Variants in SPEG observed in about 807,000 individuals in gnomAD.
The protein encoded by SPEG is striated muscle enriched protein kinase.
A neutral mutation model predicts 300.4 loss-of-function variants in SPEG; 114 were observed. The ratio of observed to expected loss-of-function variants is 0.38; its 90% confidence interval spans 0.33 to 0.44. The LOEUF (loss-of-function observed/expected upper bound fraction) is 0.44. SPEG is among the 20% of genes least tolerant of loss of function. The pLI is 1.00. For synonymous variants in SPEG, 1,964 were observed against 2,018.9 expected (o/e 0.97, Z 0.73); for missense variants, 4,201 against 4,586.2 (o/e 0.92, Z 2.43).
intron 13 of SPEG, 53 bp downstream of exon 13, chr2:219,469,432 T>C: frequency 4.4e-6 from 6 of 1,373,476 alleles, no homozygotes; most frequent in Non-Finnish European, 6.1e-6. Context: ...CCACTTGGCT[T>C]GCAATGCCCT....
At chr2:219,487,444 T>C (rs552342551) in intron 31 of SPEG, among the ~76,000 whole-genome samples, 7 of 152,350 alleles carry the variant, frequency 4.6e-5, no homozygotes, top group African/African-American at 1.7e-4. Flanking sequence ...CTCGTAATTG[T>C]CACAGCAAGC....
At chr2:219,457,567 G>T (rs1690289028) in intron 6 of SPEG, among the ~76,000 whole-genome samples, 1 of 152,236 alleles carries the variant, frequency 6.6e-6, no homozygotes, top group African/African-American at 2.4e-5. Flanking sequence ...CTGGATGACA[G>T]ACTGAGACTG....
At position 219,477,708 on chromosome 2, in the gene SPEG, C is replaced by T. The variant is rs747974469; in HGVS notation, c.4749C>T (p.Val1583=). The change falls in exon 21 of 41, where the codon GTC becomes GTT. Residue 1583 remains valine, a synonymous_variant. Coordinates refer to ENST00000312358, the MANE Select transcript of SPEG (RefSeq NM_005876.5). The surrounding 1 kb of genome is among the most constrained non-coding windows in gnomAD (Gnocchi z 6.4). The stretch of plus-strand genomic sequence containing the variant: ...CCCCAGCTCAGACAGCTATGGAGGT[C>T]GAGGGGGTCGGGGAGGATGAGGACC... ...AVHSAQTAME[V]EGVGEDEDHR... is the part of the protein sequence containing the mutation. 1.3e-5 allele frequency: 21 copies of T among 1,596,900 alleles called. No individual in the cohort carries two copies. The highest frequency in any genetic ancestry group is 1.7e-4 in the Middle Eastern group (1 of 5,974).
Position 219,465,876 on chromosome 2 carries a change from C to T in SPEG, c.2881+1268C>T, listed in dbSNP as rs545172498. On this transcript the variant is annotated intron_variant, in intron 9 of 40. Transcript: ENST00000312358. The stretch of plus-strand genomic sequence containing the variant: ...GTGTGTGCATGTGTGTGCGTGTGTG[C>T]GTGCGTGTGCATGTGTGCGTATGGG... The T allele has an allele frequency of 2.0e-4, 125 of 624,302 alleles. 2 individuals carry two copies. The highest frequency in any genetic ancestry group is 1.7e-3 in the South Asian group (94 of 54,316). 38.7% of individuals were successfully genotyped at this position (624,302 alleles called of 1,614,324 possible). A position where few individuals can be genotyped will look rare whatever the true frequency, so the allele number is the denominator to read the frequency against.
chr2:219,491,834 G>T lies in SPEG; in HGVS notation c.9426G>T (p.Thr3142=). ...MVKGEPIGSA[T]DIWGAGVLTY... Reference sequence around the variant, plus strand: ...AGGGAGAACCCATCGGCTCTGCCACGGACATCTGGGGAGCGGGTGTGCTCA... The same window carrying T: ...AGGGAGAACCCATCGGCTCTGCCACTGACATCTGGGGAGCGGGTGTGCTCA... The change falls in exon 39 of 41, where the codon ACG becomes ACT. Residue 3142 remains threonine, a synonymous_variant. Transcript: ENST00000312358. 6.2e-7 allele frequency: 1 copy of T among 1,612,438 alleles called. No homozygotes were observed. Among genetic ancestry groups the T allele is most frequent in the Non-Finnish European group, 8.5e-7 (1 of 1,179,392 alleles).
At position 219,443,962 on chromosome 2, in the gene SPEG, C is replaced by G. The variant is rs1368592013; in HGVS notation, c.389-691C>G. Reference sequence around the variant, plus strand: ...CTTCTGTCTTGACTGCCCTCCATGCCCTGCCCCACAAACGCTCTGATAACA... The same window carrying G: ...CTTCTGTCTTGACTGCCCTCCATGCGCTGCCCCACAAACGCTCTGATAACA... On this transcript the variant is annotated intron_variant, in intron 1 of 40. Transcript: ENST00000312358. The surrounding 1 kb of genome is among the most constrained non-coding windows in gnomAD (Gnocchi z 4.6). The G allele has an allele frequency of 1.9e-5, 25 of 1,308,446 alleles. No individual in the cohort carries two copies. The highest frequency in any genetic ancestry group is 2.5e-5 in the Non-Finnish European group (24 of 978,924). The allele number at this position is 1,308,446 out of a possible 1,614,324, so 81.1% of individuals were successfully genotyped here.
At chr2:219,488,063 C>T (rs970906151) in intron 31 of SPEG, 131 bp from the exon 32 acceptor site, 1 of 662,868 alleles carries the variant, frequency 1.5e-6, no homozygotes, top group Non-Finnish European at 2.7e-6. Flanking sequence ...CCACTTTCCA[C>T]ATCTGCCTGG....
Position 219,448,324 on chromosome 2 carries a change from G to C in SPEG, c.1166G>C (p.Arg389Pro), listed in dbSNP as rs766028476. The change falls in exon 4 of 41, where the codon CGA becomes CCA. Residue 389 changes from arginine to proline, a missense_variant. By Grantham distance (103) the Arg-to-Pro change is moderately radical. Around this residue, in one of 4 missense-constraint regions of SPEG, gnomAD observed 1,258 missense variants for 1,293.9 expected, o/e 0.97. Coordinates refer to ENST00000312358, the MANE Select transcript of SPEG (RefSeq NM_005876.5). ...EASGRLSALG[R>P]SPRLVRAGSR... ...TCAGGCCGCCTGTCGGCGTTGGGCC[G>C]ATCGCCTAGGCTGGTGCGCGCCGGC... 1 of 1,603,708 alleles carries C rather than the reference G, an allele frequency of 6.2e-7. No individual in the cohort carries two copies. Among genetic ancestry groups the C allele is most frequent in the South Asian group, 1.1e-5 (1 of 90,102 alleles).
Position 219,451,390 on chromosome 2 carries a change from T to G in SPEG, c.2257+111T>G. Reference sequence around the variant, plus strand: ...AAGGGAGGGGTGGGAAAGAGGGGAATTATCCCCTCCACGGGGGCTGCCCTG... The same window carrying G: ...AAGGGAGGGGTGGGAAAGAGGGGAAGTATCCCCTCCACGGGGGCTGCCCTG... On this transcript the variant is annotated intron_variant, in intron 5 of 40. Coordinates refer to ENST00000312358, the MANE Select transcript of SPEG (RefSeq NM_005876.5). This position sits in a 1 kb window ranked among gnomAD's most constrained non-coding sequence, Gnocchi z 6.4. The G allele has an allele frequency of 1.4e-6, 2 of 1,392,574 alleles. No homozygotes were observed. The highest frequency in any genetic ancestry group is 1.4e-5 in the South Asian group (1 of 69,206). The allele number at this position is 1,392,574 out of a possible 1,614,324, so 86.3% of individuals were successfully genotyped here.
In SPEG at chr2:219,485,368, G is replaced by A; in HGVS notation, c.7632G>A (p.Arg2544=). Residue 2544 remains arginine (R), a synonymous_variant, in exon 31 of 41, where the codon CGG becomes CGA. Transcript: ENST00000312358. ...CAGCCCCAGGGGAAAGCCGAAGCCGGCTCCGCTGGGGCTTCTCTCGGCCGC... is the reference window on the plus strand; with the variant it reads ...CAGCCCCAGGGGAAAGCCGAAGCCGACTCCGCTGGGGCTTCTCTCGGCCGC... The part of the protein sequence containing the change: ...GSSAPGESRS[R]LRWGFSRPRK... The A allele has an allele frequency of 6.2e-7, 1 of 1,606,458 alleles. No individual in the cohort carries two copies. The highest frequency in any genetic ancestry group is 8.5e-7 in the Non-Finnish European group (1 of 1,176,852).
chr2:219,473,096 G>A lies in SPEG; in HGVS notation c.4147G>A (p.Gly1383Ser), dbSNP rs777992216. Residue 1383 changes from glycine (G) to serine (S), a missense_variant and splice_region_variant, in exon 16 of 41, where the codon GGC becomes AGC. This residue lies in a region of SPEG where 1,047 missense variants were observed against 1,356.8 expected (regional missense o/e 0.77). Coordinates refer to ENST00000312358, the MANE Select transcript of SPEG (RefSeq NM_005876.5). The surrounding 1 kb of genome is among the most constrained non-coding windows in gnomAD (Gnocchi z 4.6). ...TGAGCCTGTGCAGCTGCTGGAGCAC[G>A]GTGAGCCTGGGTGCTCCTGTCGGGT... Reference protein sequence around the residue: ...PSEPVQLLEHGPTLEEAPAML... With the variant: ...PSEPVQLLEHSPTLEEAPAML... 5 of 1,612,964 alleles carry A rather than the reference G, an allele frequency of 3.1e-6. No homozygotes were observed. The highest frequency in any genetic ancestry group is 4.2e-6 in the Non-Finnish European group (5 of 1,179,674).
rs1692641431 is a variant in SPEG, at chr2:219,479,574, T to C, written c.5086-209T>C. Among the ~76,000 whole-genome samples the C allele has an allele frequency of 6.6e-6, 1 of 152,170 alleles. No homozygotes were observed. The highest frequency in any genetic ancestry group is 1.5e-5 in the Non-Finnish European group (1 of 68,042). On this transcript the variant is annotated intron_variant, in intron 23 of 40. Coordinates refer to ENST00000312358, the MANE Select transcript of SPEG (RefSeq NM_005876.5). The surrounding 1 kb of genome is among the most constrained non-coding windows in gnomAD (Gnocchi z 5.5). ...TTGTGCACTGCACAATTCTACTTAT[T>C]ACCACGCAATGGCTCCTCCCTATAA...
At position 219,459,744 on chromosome 2, in the gene SPEG, G is replaced by A. The variant is rs562178665; in HGVS notation, c.2441-2138G>A. ...TAGAGGGGTAGGACCGCCCACCTGC[G>A]GAGCCATGCCTGTGATCTCAGCATC... is the stretch of plus-strand genomic sequence containing the variant. On this transcript the variant is annotated intron_variant, in intron 6 of 40. Transcript: ENST00000312358. This position sits in a 1 kb window ranked among gnomAD's most constrained non-coding sequence, Gnocchi z 4.9. Among the ~76,000 whole-genome samples the A allele has an allele frequency of 3.9e-4, 59 of 152,320 alleles. No individual in the cohort carries two copies. Among genetic ancestry groups the A allele is most frequent in the Non-Finnish European group, 6.5e-4 (44 of 68,036 alleles).
Position 219,443,636 on chromosome 2 carries a change from G to C in SPEG, c.389-1017G>C, listed in dbSNP as rs1689077379. On this transcript the variant is annotated intron_variant, in intron 1 of 40. Transcript: ENST00000312358. The surrounding 1 kb of genome is among the most constrained non-coding windows in gnomAD (Gnocchi z 4.6). ...TCACATCATGATGCAGACAGATAAG[G>C]GGTTGGTTTGCAAAGAGGGGTCAAA... is the stretch of plus-strand genomic sequence containing the variant. 9.8e-6 allele frequency: 3 copies of C among 305,498 alleles called. No homozygotes were observed. The highest frequency in any genetic ancestry group is 8.8e-5 in the South Asian group (3 of 33,964). The allele number at this position is 305,498 out of a possible 1,614,324, so 18.9% of individuals were successfully genotyped here.
Position 219,493,127 on chromosome 2 carries a change from C to A in SPEG, c.*341C>A. ...GAAGGTTCTGGGTTGGGGGTCAGTG[C>A]ATCTCAGGGAGAACCAAGGAAGGTG... On this transcript the variant is annotated 3_prime_UTR_variant, in exon 41 of 41. Transcript: ENST00000312358. 1 of 519,498 alleles carries A rather than the reference C, an allele frequency of 1.9e-6. No homozygotes were observed. Among genetic ancestry groups the A allele is most frequent in the Non-Finnish European group, 3.6e-6 (1 of 275,820 alleles). 32.2% of individuals were successfully genotyped at this position (519,498 alleles called of 1,614,324 possible). A position where few individuals can be genotyped will look rare whatever the true frequency, so the allele number is the denominator to read the frequency against.
At chr2:219,467,057 A>G in intron 9 of SPEG, 117 bp from the exon 10 acceptor site, 1 of 1,338,600 alleles carries the variant, frequency 7.5e-7, no homozygotes, top group Non-Finnish European at 1.0e-6. Context: ...ATCTCCAGAG[A>G]ACAAAATGCA....
intron 6 of SPEG, among the ~76,000 whole-genome samples, chr2:219,454,371 T>C (rs1345481406): frequency 6.6e-6 from 1 of 152,172 alleles, no homozygotes; most frequent in East Asian, 1.9e-4. Flanking sequence ...AGCGGATGTG[T>C]GGATGGGGGC....
chr2:219,473,036 A>T lies in SPEG; in HGVS notation c.4087A>T (p.Thr1363Ser). ...VQHIFRVLST[T>S]VKSSSKPSPP... ...GCACATCTTCCGGGTCCTCAGCACC[A>T]CTGTCAAGAGCAGCAGCAAGCCCTC... Residue 1363 changes from threonine (T) to serine (S), a missense_variant, in exon 16 of 41, where the codon ACT becomes TCT. This residue lies in a region of SPEG where 1,047 missense variants were observed against 1,356.8 expected (regional missense o/e 0.77). Coordinates refer to ENST00000312358, the MANE Select transcript of SPEG (RefSeq NM_005876.5). This position sits in a 1 kb window ranked among gnomAD's most constrained non-coding sequence, Gnocchi z 4.6. 6.2e-7 allele frequency: 1 copy of T among 1,613,966 alleles called. No homozygotes were observed.
chr2:219,435,036 C>G lies in SPEG; in HGVS notation c.59C>G (p.Pro20Arg). The stretch of plus-strand genomic sequence containing the variant: ...GCGGGCACGAGGGCACCCCCCAGCC[C>G]CGGAGTGCCCCCGAAAAGGGCCAAG... ...EDAGTRAPPS[P>R]GVPPKRAKVG... Residue 20 changes from proline to arginine, a missense_variant, in exon 1 of 41, where the codon CCC becomes CGC. This residue lies in a region of SPEG where 1,258 missense variants were observed against 1,293.9 expected (regional missense o/e 0.97). Transcript: ENST00000312358. The G allele has an allele frequency of 6.7e-7, 1 of 1,495,454 alleles. No homozygotes were observed. The highest frequency in any genetic ancestry group is 8.8e-7 in the Non-Finnish European group (1 of 1,130,744). The allele number at this position is 1,495,454 out of a possible 1,614,324, so 92.6% of individuals were successfully genotyped here. A position where few individuals can be genotyped will look rare whatever the true frequency, so the allele number is the denominator to read the frequency against.
Sources: allele counts gnomAD v4.1 joint callset (sites outside exome capture counted in the v4.1 genomes callset), GRCh38; gene constraint gnomAD v4.1.1; regional missense constraint gnomAD v4.1.1; non-coding constraint Gnocchi (gnomAD v3.1); transcripts MANE v1.5; gene names NCBI Gene and HGNC (gene_info 2026-07-23, HGNC 2026-07-21).